EIF2S3B: variants seen among roughly 807,000 people sequenced by gnomAD.
EIF2S3B encodes the protein eukaryotic translation initiation factor 2 subunit 3B.
Under a neutral mutation model 26.4 loss-of-function variants are expected in EIF2S3B, and 16 were observed. That is an observed-to-expected ratio of 0.61 (90% CI 0.41 to 0.92). EIF2S3B has a LOEUF of 0.92. EIF2S3B is among the 40% of genes least tolerant of loss of function. The probability of loss-of-function intolerance (pLI) is 0.00; values close to 1 mark genes in which losing one functional copy is unlikely to be tolerated. For missense variants in EIF2S3B, 510 were observed against 575.5 expected (o/e 0.89, Z 1.16); for synonymous variants, 183 against 204.4 (o/e 0.90, Z 0.89).
rs780914536 is a variant in EIF2S3B, at chr12:10,506,139, C to T, written c.237C>T (p.Ile79=). The stretch of plus-strand genomic sequence containing the variant: ...ATGAACTAGAAAGAAATATTACAAT[C>T]AAGCTTGGATATGCTAATGCTAAGA... ...FKNELERNIT[I]KLGYANAKIY... is the part of the protein sequence containing the mutation. The change falls in exon 1 of 1, where the codon ATC becomes ATT. Residue 79 remains isoleucine (I), a synonymous_variant. Transcript: ENST00000538173. 16 of 1,581,370 alleles carry T rather than the reference C, an allele frequency of 1.0e-5. No individual in the cohort carries two copies. In the African/African-American group the frequency reaches 1.8e-4, roughly 17 times the overall value.
At chr12:10,519,635 T>C (rs1011875303) in intron 1 of EIF2S3B, among the ~76,000 whole-genome samples, 1 of 152,026 alleles carries the variant, frequency 6.6e-6, no homozygotes, top group African/African-American at 2.4e-5. Context: ...ATATCCAGAA[T>C]CTACAATGAA....
chr12:10,514,021 GATAA>G (rs921677797), intron 1 of EIF2S3B, among the ~76,000 whole-genome samples: 6 of 151,954 alleles, frequency 3.9e-5, no homozygotes, highest in Non-Finnish European at 8.8e-5. Flanking sequence ...TCTCAAAAAA[GATAA>G]ATAAATAAAA....
intron 1 of EIF2S3B, among the ~76,000 whole-genome samples, chr12:10,516,460 G>A (rs1283637628): frequency 6.6e-6 from 1 of 150,860 alleles, no homozygotes; most frequent in Non-Finnish European, 1.5e-5. Flanking sequence ...AATATTTATT[G>A]TAGAGTTTAA....
At chr12:10,511,557 A>T (rs186633183), downstream of EIF2S3B, among the ~76,000 whole-genome samples, 579 of 152,306 alleles carry the variant, frequency 3.8e-3, 3 homozygotes, top group South Asian at 0.016. Context: ...CATAAAATGA[A>T]TTTTTAAATA....
rs201458225 is a variant in EIF2S3B, at chr12:10,521,386, G to GT, written c.1309-1208dup. 4.2e-4 allele frequency among the ~76,000 whole-genome samples: 63 copies of GT among 149,974 alleles called. 1 individual carries two copies. Among genetic ancestry groups the GT allele is most frequent in the Middle Eastern group, 3.4e-3 (1 of 294 alleles). On this transcript the variant is annotated intron_variant, in intron 1 of 1. Coordinates refer to the EIF2S3B transcript ENST00000322446. ...ATTTCTAACTACTCTGCAGAGTGATGTTTTTTTTTCAATTTATAGATGAGG... is the reference window on the plus strand; with the variant it reads ...ATTTCTAACTACTCTGCAGAGTGATGTTTTTTTTTTCAATTTATAGATGAGG...
At chr12:10,516,759 G>C (rs1864762053) in intron 1 of EIF2S3B, among the ~76,000 whole-genome samples, 1 of 151,938 alleles carries the variant, frequency 6.6e-6, no homozygotes, top group Non-Finnish European at 1.5e-5. Context: ...GTCATAGATA[G>C]CTCTTATTAT....
At chr12:10,508,692 T>A (rs184372194), downstream of EIF2S3B, among the ~76,000 whole-genome samples, 1 of 152,102 alleles carries the variant, frequency 6.6e-6, no homozygotes, top group Non-Finnish European at 1.5e-5. Flanking sequence ...TTAAAATATA[T>A]TCCCTTATTA....
chr12:10,512,787 G>A (rs1326378197), downstream of EIF2S3B, among the ~76,000 whole-genome samples: 2 of 152,058 alleles, frequency 1.3e-5, no homozygotes, highest in South Asian at 2.1e-4. Context: ...TCCCTCCAAT[G>A]TTTCTCTTCT....
At chr12:10,516,646 T>C (rs1864760693) in intron 1 of EIF2S3B, among the ~76,000 whole-genome samples, 2 of 151,764 alleles carry the variant, frequency 1.3e-5, no homozygotes, top group Non-Finnish European at 2.9e-5. Flanking sequence ...TCCAACACTA[T>C]GTTGAATAGG....
chr12:10,514,912 A>G (rs752466075), intron 1 of EIF2S3B, among the ~76,000 whole-genome samples: 3 of 152,120 alleles, frequency 2.0e-5, no homozygotes, highest in Non-Finnish European at 2.9e-5. Context: ...TCTAAAATCC[A>G]TATCTGCTCA....
At chr12:10,512,060 A>G (rs998550153), downstream of EIF2S3B, among the ~76,000 whole-genome samples, 11 of 152,178 alleles carry the variant, frequency 7.2e-5, no homozygotes, top group Non-Finnish European at 1.6e-4. Flanking sequence ...CCATTCAGCA[A>G]TCCACTCCAA....
Position 10,505,913 on chromosome 12 carries a change from G to A in EIF2S3B, c.11G>A (p.Gly4Glu), listed in dbSNP as rs765415051. 2 of 1,597,168 alleles carry A rather than the reference G, an allele frequency of 1.3e-6. No individual in the cohort carries two copies. Among genetic ancestry groups the A allele is most frequent in the Non-Finnish European group, 1.7e-6 (2 of 1,164,632 alleles). The change falls in exon 1 of 1, where the codon GGA (glycine) becomes GAA (glutamate). Residue 4 changes from glycine to glutamate, a missense_variant. Gly to Glu is a moderately conservative substitution (Grantham distance 98). Coordinates refer to ENST00000538173, the MANE Select transcript of EIF2S3B (RefSeq NM_001357734.3). ...TCCTCTTTTGGCAACATGGCGGGCG[G>A]AGAAGCTGGGGTGACTCTGGGGCAG... MAG[G>E]EAGVTLGQPH...
chr12:10,514,494 T>C (rs1266440916), intron 1 of EIF2S3B, among the ~76,000 whole-genome samples: 1 of 152,160 alleles, frequency 6.6e-6, no homozygotes. Flanking sequence ...TCCATATACA[T>C]GCCAATGGTC....
chr12:10,515,120 T>C (rs1864741649), intron 1 of EIF2S3B, among the ~76,000 whole-genome samples: 1 of 152,068 alleles, frequency 6.6e-6, no homozygotes, highest in Admixed American at 6.6e-5. Context: ...CCTTTATTCA[T>C]ATTCTTCACT....
At chr12:10,514,185 T>C (rs1275053572) in intron 1 of EIF2S3B, among the ~76,000 whole-genome samples, 1 of 152,114 alleles carries the variant, frequency 6.6e-6, no homozygotes, top group Non-Finnish European at 1.5e-5. Flanking sequence ...ACTTTCACCA[T>C]AGCTTACTCT....
Position 10,520,883 on chromosome 12 carries a change from T to A in EIF2S3B, c.1309-1720T>A, listed in dbSNP as rs568524797. Among the ~76,000 whole-genome samples, 3 of 152,306 alleles carry A rather than the reference T, an allele frequency of 2.0e-5. No individual in the cohort carries two copies. In the East Asian group the frequency reaches 5.8e-4, roughly 29 times the overall value. ...AAAAGTGAAATAAAGTAACCATTTG[T>A]CAGGGAATATCAGAAAATATGATTT... is the stretch of plus-strand genomic sequence containing the variant. On this transcript the variant is annotated intron_variant, in intron 1 of 1. Coordinates refer to the EIF2S3B transcript ENST00000322446.
exon 2 of EIF2S3B, chr12:10,522,768 C>T: frequency 4.8e-6 from 3 of 624,154 alleles, no homozygotes; most frequent in Non-Finnish European, 8.7e-6. Flanking sequence ...AGATTCTTTG[C>T]AGGCTGTGAT....
chr12:10,519,747 A>G (rs1424195051), intron 1 of EIF2S3B, among the ~76,000 whole-genome samples: 8 of 152,004 alleles, frequency 5.3e-5, no homozygotes, highest in Non-Finnish European at 1.0e-4. Flanking sequence ...CAGCCAAAAA[A>G]CACATGAAAA....
rs1479078584 is a variant in EIF2S3B at position 10,505,941 on chromosome 12, G to A, written c.39G>A (p.Pro13=). Residue 13 remains proline (P), a synonymous_variant, in exon 1 of 1, where the codon CCG becomes CCA. Transcript: ENST00000538173. ...AAGCTGGGGTGACTCTGGGGCAGCC[G>A]CACCTTTCGCGTCAGGATCTCACCA... ...GGEAGVTLGQ[P]HLSRQDLTTL... is the part of the protein sequence containing the mutation. 3 of 1,601,916 alleles carry A rather than the reference G, an allele frequency of 1.9e-6. No individual in the cohort carries two copies. The highest frequency in any genetic ancestry group is 1.3e-5 in the African/African-American group (1 of 74,696).
Sources: allele counts gnomAD v4.1 joint callset (sites outside exome capture counted in the v4.1 genomes callset), GRCh38; gene constraint gnomAD v4.1.1; transcripts MANE v1.5; gene names NCBI Gene and HGNC (gene_info 2026-07-23, HGNC 2026-07-21).